The following XRRA1 variants were observed in gnomAD, a reference collection of about 807,000 sequenced individuals.
The protein encoded by XRRA1 is X-ray radiation resistance-associated protein 1.
XRRA1 carries 69 observed loss-of-function variants against 80.2 expected under a neutral mutation model. The ratio of observed to expected loss-of-function variants is 0.86; its 90% CI spans 0.71 to 1.05. The LOEUF is 1.05. Ranked by LOEUF, XRRA1 falls within the 50% of genes least tolerant of loss-of-function variation. XRRA1 has a pLI of 0.00. For missense variants in XRRA1, 967 were observed against 976.4 expected, an observed-to-expected ratio of 0.99 and a Z score of 0.13; for synonymous variants, 348 against 389.9, an observed-to-expected ratio of 0.89 and a Z score of 1.27.
Position 74,927,397 on chromosome 11 carries a change from T to A in XRRA1, c.516A>T (p.Leu172Phe). The A allele has an allele frequency of 6.2e-7, 1 of 1,606,356 alleles. No homozygotes were observed. The highest frequency in any genetic ancestry group is 8.5e-7 in the Non-Finnish European group (1 of 1,173,134). ...TIYVKYGDFKLLEFLDLSFNS... is the reference protein window; with the variant it reads ...TIYVKYGDFKFLEFLDLSFNS... ...CTCCCTACCTCCAACTTACTTCTAA[T>A]AACTTAAAGTCTCCATATTTCACGT... Residue 172 changes from leucine to phenylalanine, a missense_variant, in exon 7 of 19, where the codon TTA (leucine) becomes TTT (phenylalanine). Transcript: ENST00000684022.
chr11:74,930,452 C>A, intron 5 of XRRA1, 80 bp from the exon 6 acceptor site: 1 of 1,134,558 alleles, frequency 8.8e-7, no homozygotes, highest in East Asian at 2.6e-5. Context: ...AGCTTCAGGG[C>A]CACTGTCAGA....
At chr11:74,918,766 T>A (rs959228604) in intron 8 of XRRA1, 1 of 152,258 alleles carries the variant, frequency 6.6e-6, no homozygotes, top group Non-Finnish European at 1.5e-5. Context: ...AAGGGATTCA[T>A]GAGAGACTGG....
chr11:74,850,877 G>C (rs1035649386), intron 14 of XRRA1: 1 of 307,174 alleles, frequency 3.3e-6, no homozygotes, highest in Non-Finnish European at 6.1e-6. Flanking sequence ...AACTTTCAAT[G>C]GTAAGAGTTT....
In XRRA1 at chr11:74,882,355, C is replaced by T. The variant is rs1355028085; in HGVS notation, c.1004-19334G>A. On this transcript the variant is annotated intron_variant, in intron 10 of 18. Transcript: ENST00000684022. The stretch of plus-strand genomic sequence containing the variant: ...GTAGTTCTCGAGCCTTGGTTTTCAG[C>T]TCCATCAGCTCCTTTAAGCACTTCT... Among the ~76,000 whole-genome samples, 6 of 151,000 alleles carry T rather than the reference C, an allele frequency of 4.0e-5. No homozygotes were observed. In the East Asian group the frequency reaches 1.2e-3, roughly 29 times the overall value.
chr11:74,926,161 T>C (rs1483278949), intron 7 of XRRA1, among the ~76,000 whole-genome samples: 4 of 152,232 alleles, frequency 2.6e-5, no homozygotes, highest in African/African-American at 9.6e-5. Flanking sequence ...TCAATATGAC[T>C]TGAGACCATG....
intron 12 of XRRA1, among the ~76,000 whole-genome samples, chr11:74,856,677 A>T (rs1591629332): frequency 6.6e-6 from 1 of 152,342 alleles, no homozygotes; most frequent in East Asian, 1.9e-4. Flanking sequence ...GGGAGTTCAC[A>T]CTCACTAGTG....
At chr11:74,939,764 C>T (rs190880062) in intron 3 of XRRA1, among the ~76,000 whole-genome samples, 1 of 152,148 alleles carries the variant, frequency 6.6e-6, no homozygotes, top group Non-Finnish European at 1.5e-5. Context: ...CATATGTACA[C>T]TAAAACATAT....
chr11:74,902,384 C>T (rs2053716804), intron 10 of XRRA1, among the ~76,000 whole-genome samples: 3 of 152,128 alleles, frequency 2.0e-5, no homozygotes, highest in African/African-American at 4.8e-5. Context: ...AAAAATACAG[C>T]TACCATATGA....
chr11:74,893,828 G>A (rs912231523), intron 10 of XRRA1, among the ~76,000 whole-genome samples: 3 of 152,210 alleles, frequency 2.0e-5, no homozygotes, highest in African/African-American at 7.2e-5. Flanking sequence ...ATTGTGGAAA[G>A]CAGTTTTGCA....
chr11:74,906,507 G>C (rs1331526939), intron 9 of XRRA1, 51 bp from the exon 10 acceptor site: 4 of 1,578,298 alleles, frequency 2.5e-6, no homozygotes, highest in Non-Finnish European at 3.4e-6. Flanking sequence ...GATACCTCAG[G>C]ATTGTTTACC....
chr11:74,841,342 T>A lies in XRRA1; in HGVS notation c.*1858A>T, dbSNP rs1205424314. The A allele has an allele frequency of 6.6e-6, 1 of 152,132 alleles. No individual in the cohort carries two copies. 9.4% of individuals were successfully genotyped at this position (152,132 alleles called of 1,614,324 possible). A position where few individuals can be genotyped will look rare whatever the true frequency, so the allele number is the denominator to read the frequency against. ...ATTCTAGGGAAAGTGCTGAAGAGAT[T>A]TTCTTCTGAAGATGATCTAGGAAAT... On this transcript the variant is annotated 3_prime_UTR_variant, in exon 19 of 19. Coordinates refer to ENST00000684022, the MANE Select transcript of XRRA1 (RefSeq NM_001378157.1).
intron 8 of XRRA1, chr11:74,913,698 A>G (rs991765388): frequency 1.3e-5 from 2 of 152,158 alleles, no homozygotes; most frequent in Non-Finnish European, 2.9e-5. Context: ...CCTACAGAAT[A>G]TCATACTGAC....
At chr11:74,885,861 C>T (rs1162248496) in intron 10 of XRRA1, among the ~76,000 whole-genome samples, 1 of 152,140 alleles carries the variant, frequency 6.6e-6, no homozygotes, top group Non-Finnish European at 1.5e-5. Context: ...AAAGTTTATC[C>T]ACCATGATCA....
At chr11:74,934,349 CTT>C (rs1201006058) in intron 4 of XRRA1, among the ~76,000 whole-genome samples, 1 of 152,028 alleles carries the variant, frequency 6.6e-6, no homozygotes, top group Non-Finnish European at 1.5e-5. Context: ...AAACCTCATT[CTT>C]TTTTTGTTAA....
In XRRA1 at chr11:74,844,287, G is replaced by A; in HGVS notation, c.1928-4C>T. ...GCTTGTGCATTCTTCTGGATTCCTA[G>A]GGCAAGAAGGCAAGACTGAGTCAAG... On this transcript the variant is annotated splice_polypyrimidine_tract_variant and splice_region_variant and intron_variant, in intron 16 of 18. Coordinates refer to ENST00000684022, the MANE Select transcript of XRRA1 (RefSeq NM_001378157.1). The A allele has an allele frequency of 6.2e-7, 1 of 1,610,346 alleles. No homozygotes were observed. The highest frequency in any genetic ancestry group is 8.5e-7 in the Non-Finnish European group (1 of 1,178,082).
chr11:74,866,860 A>C (rs899867322), intron 10 of XRRA1, among the ~76,000 whole-genome samples: 3 of 152,202 alleles, frequency 2.0e-5, no homozygotes, highest in African/African-American at 7.2e-5. Context: ...GACAACATCA[A>C]AAAAGAAAAT....
At chr11:74,877,139 C>T (rs558027120) in intron 10 of XRRA1, among the ~76,000 whole-genome samples, 1 of 152,284 alleles carries the variant, frequency 6.6e-6, no homozygotes, top group South Asian at 2.1e-4. Context: ...ATTTTTACAA[C>T]AGGATTAATA....
chr11:74,890,915 C>T (rs1168745146), intron 10 of XRRA1, among the ~76,000 whole-genome samples: 1 of 152,084 alleles, frequency 6.6e-6, no homozygotes, highest in Non-Finnish European at 1.5e-5. Flanking sequence ...TAATTAATAG[C>T]TTACCAACCA....
intron 10 of XRRA1, 28 bp downstream of exon 10, chr11:74,906,211 A>G (rs752838326): frequency 3.1e-6 from 5 of 1,600,396 alleles, no homozygotes; most frequent in Non-Finnish European, 4.3e-6. Context: ...ATGAGGGTAG[A>G]ATTTCTGGGA....
Sources: allele counts gnomAD v4.1 joint callset (sites outside exome capture counted in the v4.1 genomes callset), GRCh38; gene constraint gnomAD v4.1.1; transcripts MANE v1.5; gene names NCBI Gene and HGNC (gene_info 2026-07-23, HGNC 2026-07-21).